The following PROSER2 variants were observed in gnomAD, a reference collection of about 807,000 sequenced individuals.
PROSER2 encodes the protein proline and serine rich 2, also known as proline and serine-rich protein 2.
PROSER2 carries 18 observed loss-of-function variants against 14.6 expected under a neutral mutation model. The observed-to-expected ratio is 1.23, with a 90% CI of 0.85 to 1.83. The LOEUF is 1.83. Ranked by LOEUF, PROSER2 falls within the 40% of genes most tolerant of loss-of-function variation. The probability of loss-of-function intolerance (pLI) is 0.00; values close to 1 mark genes in which losing one functional copy is unlikely to be tolerated. For missense variants in PROSER2, 823 were observed against 629.8 expected (o/e 1.31, Z -3.28); for synonymous variants, 367 against 286.4 (o/e 1.28, Z -2.84).
At chr10:11,861,514 G>A (rs966975971) in intron 2 of PROSER2, among the ~76,000 whole-genome samples, 2 of 152,166 alleles carry the variant, frequency 1.3e-5, no homozygotes, top group Non-Finnish European at 2.9e-5. Flanking sequence ...GGGGTGGGCT[G>A]AGGTTTGAAA....
chr10:11,850,242 C>T (rs1833993128), intron 1 of PROSER2: 1 of 152,434 alleles, frequency 6.6e-6, no homozygotes, highest in Non-Finnish European at 1.5e-5. Context: ...TCGGAAACAT[C>T]TCCATGGCTC....
At chr10:11,868,413 C>T (rs558756630) in intron 3 of PROSER2, among the ~76,000 whole-genome samples, 66 of 152,126 alleles carry the variant, frequency 4.3e-4, no homozygotes, top group Non-Finnish European at 9.1e-4. Context: ...GTAGCTGGCA[C>T]TACAAGCATG....
At chr10:11,827,829 C>T (rs1833637018) in intron 1 of PROSER2, among the ~76,000 whole-genome samples, 1 of 151,978 alleles carries the variant, frequency 6.6e-6, no homozygotes, top group Non-Finnish European at 1.5e-5. Flanking sequence ...CGGGTGCGTG[C>T]CACCATGCCT....
chr10:11,836,587 G>T lies in PROSER2; in HGVS notation c.-82+13117G>T, dbSNP rs920399061. Among the ~76,000 whole-genome samples the T allele has an allele frequency of 1.3e-5, 2 of 152,070 alleles. No individual in the cohort carries two copies. Among genetic ancestry groups the T allele is most frequent in the African/African-American group, 4.8e-5 (2 of 41,394 alleles). On this transcript the variant is annotated intron_variant, in intron 1 of 3. Transcript: ENST00000277570. This position sits in a 1 kb window ranked among gnomAD's most constrained non-coding sequence, Gnocchi z 4.6. The stretch of plus-strand genomic sequence containing the variant: ...TCACAAAATTCATGGTATGCACGCC[G>T]GCCCCTTCCTAGCGTGTAGGTGTGC...
At chr10:11,857,724 A>G (rs1834148226) in intron 2 of PROSER2, among the ~76,000 whole-genome samples, 2 of 145,410 alleles carry the variant, frequency 1.4e-5, no homozygotes, top group African/African-American at 2.6e-5. Flanking sequence ...CAGCCTGGGC[A>G]ACAGATGGAG....
At chr10:11,863,034 A>AT (rs1186629464) in intron 2 of PROSER2, 2 of 152,146 alleles carry the variant, frequency 1.3e-5, no homozygotes, top group African/African-American at 4.8e-5. Flanking sequence ...ATAGGTTTAT[A>AT]TCCAACAGGT....
In PROSER2 at chr10:11,869,755, G is replaced by T. The variant is rs1340828260; in HGVS notation, c.657G>T (p.Glu219Asp). The change falls in exon 4 of 4, where the codon GAG (glutamate) becomes GAT (aspartate). Residue 219 changes from glutamate (E) to aspartate (D), a missense_variant. By Grantham distance (45) the Glu-to-Asp change is conservative. Coordinates refer to ENST00000277570, the MANE Select transcript of PROSER2 (RefSeq NM_153256.4). The surrounding 1 kb of genome is among the most constrained non-coding windows in gnomAD (Gnocchi z 4.4). ...TCTCGCCCACCTCCCCGTTCAGGGA[G>T]GGCCGGCCCGGGGAGTGGAGGACAC... ...EALSPTSPFR[E>D]GRPGEWRTPA... 6.4e-7 allele frequency: 1 copy of T among 1,574,390 alleles called. No homozygotes were observed. Among genetic ancestry groups the T allele is most frequent in the East Asian group, 2.3e-5 (1 of 42,796 alleles).
chr10:11,848,344 T>C (rs1209819185), intron 1 of PROSER2, among the ~76,000 whole-genome samples: 2 of 152,196 alleles, frequency 1.3e-5, no homozygotes, highest in Non-Finnish European at 2.9e-5. Flanking sequence ...AATTTTTATA[T>C]TTTTAGTAGA....
intron 1 of PROSER2, among the ~76,000 whole-genome samples, chr10:11,826,099 G>A (rs1438861541): frequency 1.3e-5 from 2 of 152,012 alleles, no homozygotes; most frequent in African/African-American, 4.8e-5. Flanking sequence ...GCCCCTTCTG[G>A]ATGTTTATAC....
At position 11,866,877 on chromosome 10, in the gene PROSER2, A is replaced by G. The variant is rs1225114504; in HGVS notation, c.391+94A>G. 1 of 1,439,308 alleles carries G rather than the reference A, an allele frequency of 6.9e-7. No homozygotes were observed. The highest frequency in any genetic ancestry group is 9.2e-7 in the Non-Finnish European group (1 of 1,081,466). The allele number at this position is 1,439,308 out of a possible 1,614,324, so 89.2% of individuals were successfully genotyped here. The stretch of plus-strand genomic sequence containing the variant: ...TTTGTGTTCCCCTGTGTTTGCCAGT[A>G]GAAGTTGTTGAGTCTTACCAGATTT... On this transcript the variant is annotated intron_variant, in intron 3 of 3. Transcript: ENST00000277570. The surrounding 1 kb of genome is among the most constrained non-coding windows in gnomAD (Gnocchi z 6.0).
At chr10:11,829,159 A>G (rs1359017558) in intron 1 of PROSER2, among the ~76,000 whole-genome samples, 1 of 151,984 alleles carries the variant, frequency 6.6e-6, no homozygotes, top group Non-Finnish European at 1.5e-5. Context: ...ATTAACTTGA[A>G]GTTGAACAGG....
intron 2 of PROSER2, among the ~76,000 whole-genome samples, chr10:11,855,269 T>C (rs1445428637): frequency 6.6e-6 from 1 of 151,292 alleles, no homozygotes. Context: ...GTCAGGAGAT[T>C]GAGACCATCC....
rs890342476 is a variant in PROSER2 at position 11,836,979 on chromosome 10, T to G, written c.-82+13509T>G. Among the ~76,000 whole-genome samples, 4 of 152,208 alleles carry G rather than the reference T, an allele frequency of 2.6e-5. No individual in the cohort carries two copies. Among genetic ancestry groups the G allele is most frequent in the African/African-American group, 9.6e-5 (4 of 41,460 alleles). On this transcript the variant is annotated intron_variant, in intron 1 of 3. Coordinates refer to ENST00000277570, the MANE Select transcript of PROSER2 (RefSeq NM_153256.4). This position sits in a 1 kb window ranked among gnomAD's most constrained non-coding sequence, Gnocchi z 4.6. ...AAATGCGTCGTTCTGATCCATTGCC[T>G]CCTGCATGCGAATCCTCCTTTGCCC...
chr10:11,857,230 CAGAG>C (rs143103939), intron 2 of PROSER2: 7,995 of 151,812 alleles, frequency 0.053, 284 homozygotes, highest in Non-Finnish European at 0.065. Context: ...CAAGATCTCT[CAGAG>C]AGAGAGAGAA....
intron 2 of PROSER2, among the ~76,000 whole-genome samples, chr10:11,855,528 TGA>T (rs1432110472): frequency 6.6e-6 from 1 of 151,842 alleles, no homozygotes; most frequent in Admixed American, 6.6e-5. Context: ...TGATTTTAAT[TGA>T]GAGTACCCTA....
At chr10:11,824,379 G>A (rs1833582788) in intron 1 of PROSER2, among the ~76,000 whole-genome samples, 1 of 152,170 alleles carries the variant, frequency 6.6e-6, no homozygotes, top group African/African-American at 2.4e-5. Context: ...CAAACCAGGC[G>A]TACGTGGAAA....
In PROSER2 at chr10:11,823,825, C is replaced by T. The variant is rs898062057; in HGVS notation, c.-82+355C>T. ...GGTCCCCGCTGTCCCCACCGTCCGTCCCCCAACCCGGGACCCCTGTCCTTT... is the reference window on the plus strand; with the variant it reads ...GGTCCCCGCTGTCCCCACCGTCCGTTCCCCAACCCGGGACCCCTGTCCTTT... On this transcript the variant is annotated intron_variant, in intron 1 of 3. Coordinates refer to ENST00000277570, the MANE Select transcript of PROSER2 (RefSeq NM_153256.4). This position sits in a 1 kb window ranked among gnomAD's most constrained non-coding sequence, Gnocchi z 6.2. Among the ~76,000 whole-genome samples, 8 of 152,210 alleles carry T rather than the reference C, an allele frequency of 5.3e-5. No individual in the cohort carries two copies. Among genetic ancestry groups the T allele is most frequent in the Admixed American group, 5.2e-4 (8 of 15,290 alleles).
chr10:11,832,236 A>G (rs1833698515), intron 1 of PROSER2, among the ~76,000 whole-genome samples: 1 of 152,202 alleles, frequency 6.6e-6, no homozygotes, highest in Non-Finnish European at 1.5e-5. Context: ...CCCAGCAGCC[A>G]ACTTCCACCT....
Position 11,836,310 on chromosome 10 carries a change from T to A in PROSER2, c.-82+12840T>A, listed in dbSNP as rs1833759978. On this transcript the variant is annotated intron_variant, in intron 1 of 3. Transcript: ENST00000277570. This position sits in a 1 kb window ranked among gnomAD's most constrained non-coding sequence, Gnocchi z 4.6. ...CTTCCAGGTTCAAGCGATTCTCCCA[T>A]CTCAGCTTCCCAAGTAGTTGGGATT... is the stretch of plus-strand genomic sequence containing the variant. Among the ~76,000 whole-genome samples, 1 of 152,114 alleles carries A rather than the reference T, an allele frequency of 6.6e-6. No individual in the cohort carries two copies. The highest frequency in any genetic ancestry group is 6.6e-5 in the Admixed American group (1 of 15,256).
Sources: allele counts gnomAD v4.1 joint callset (sites outside exome capture counted in the v4.1 genomes callset), GRCh38; gene constraint gnomAD v4.1.1; non-coding constraint Gnocchi (gnomAD v3.1); transcripts MANE v1.5; gene names NCBI Gene and HGNC (gene_info 2026-07-23, HGNC 2026-07-21).